AGBL1: variants seen among roughly 807,000 people sequenced by gnomAD.
AGBL1 encodes cytosolic carboxypeptidase 4.
A neutral mutation model predicts 118.9 loss-of-function variants in AGBL1; 130 were observed. The observed-to-expected ratio is 1.09, with a 90% CI of 0.95 to 1.26. AGBL1 has a LOEUF of 1.26. Ranked by LOEUF, AGBL1 falls within the 50% of genes most tolerant of loss-of-function variation. The probability of loss-of-function intolerance (pLI) is 0.00; values close to 1 mark genes in which losing one functional copy is unlikely to be tolerated. For missense variants in AGBL1, 1,584 were observed against 1,298.1 expected (o/e 1.22, Z -3.38); for synonymous variants, 555 against 478.9 (o/e 1.16, Z -2.08).
intron 18 of AGBL1, among the ~76,000 whole-genome samples, chr15:86,480,237 G>A (rs113740159): frequency 6.6e-6 from 1 of 152,038 alleles, no homozygotes; most frequent in African/African-American, 2.4e-5. Flanking sequence ...ATAAAAAAGA[G>A]TAACTATGTG....
At chr15:86,105,475 A>T (rs1264258746) in intron 1 of AGBL1, 1 of 152,228 alleles carries the variant, frequency 6.6e-6, no homozygotes, top group Non-Finnish European at 1.5e-5. Context: ...TGTTCTGAAT[A>T]TCCCTGAGGA....
At chr15:86,797,854 G>C (rs761625241) in intron 22 of AGBL1, among the ~76,000 whole-genome samples, 17 of 152,168 alleles carry the variant, frequency 1.1e-4, no homozygotes, top group Non-Finnish European at 2.1e-4. Context: ...TCAGAAGTTT[G>C]ATATGAGGTA....
chr15:86,103,564 T>C (rs1896858781), intron 1 of AGBL1, among the ~76,000 whole-genome samples: 1 of 152,202 alleles, frequency 6.6e-6, no homozygotes, highest in African/African-American at 2.4e-5. Context: ...ACTTTGGCTT[T>C]GCTTCTGGGT....
At chr15:86,673,218 T>C (rs2085777532) in intron 21 of AGBL1, among the ~76,000 whole-genome samples, 1 of 152,208 alleles carries the variant, frequency 6.6e-6, no homozygotes. Context: ...TTTTGATCAA[T>C]ATTATGACTG....
intron 22 of AGBL1, among the ~76,000 whole-genome samples, chr15:86,812,033 T>A (rs2078797387): frequency 6.6e-6 from 1 of 152,202 alleles, no homozygotes; most frequent in Admixed American, 6.5e-5. Flanking sequence ...AACTTTAAAA[T>A]ACTGTCAGAT....
chr15:86,451,108 C>T (rs1477602488), intron 18 of AGBL1, among the ~76,000 whole-genome samples: 1 of 152,196 alleles, frequency 6.6e-6, no homozygotes, highest in Non-Finnish European at 1.5e-5. Flanking sequence ...TATACAGACT[C>T]ATTACAGAAC....
intron 17 of AGBL1, among the ~76,000 whole-genome samples, chr15:86,380,506 TCTTTC>T (rs1003495308): frequency 6.7e-5 from 10 of 150,256 alleles, no homozygotes; most frequent in Middle Eastern, 7.0e-3. Flanking sequence ...CTTCTTTTCT[TCTTTC>T]CTTTCTTTTC....
At chr15:86,273,152 A>AG (rs1422945474) in intron 15 of AGBL1, among the ~76,000 whole-genome samples, 2 of 68,150 alleles carry the variant, frequency 2.9e-5, no homozygotes. Flanking sequence ...TATAAATTCC[A>AG]GTTGAGGATG....
At position 86,257,947 on chromosome 15, in the gene AGBL1, T is replaced by A. The variant is rs1237773885; in HGVS notation, c.902-17T>A. 2 of 1,611,676 alleles carry A rather than the reference T, an allele frequency of 1.2e-6. No homozygotes were observed. Among genetic ancestry groups the A allele is most frequent in the Admixed American group, 1.7e-5 (1 of 59,466 alleles). Reference sequence around the variant, plus strand: ...AAGGGGAAACTTCACTTATTTCACCTCTTTTTCCCCATCCAGAGGATTTTG... The same window carrying A: ...AAGGGGAAACTTCACTTATTTCACCACTTTTTCCCCATCCAGAGGATTTTG... On this transcript the variant is annotated splice_polypyrimidine_tract_variant and intron_variant, in intron 8 of 22. Transcript: ENST00000614907.
In AGBL1 at chr15:86,369,722, A is replaced by C. The variant is rs187041452; in HGVS notation, c.2375-27644A>C. On this transcript the variant is annotated intron_variant, in intron 17 of 22. Coordinates refer to ENST00000614907, the MANE Select transcript of AGBL1 (RefSeq NM_001386094.1). Reference sequence around the variant, plus strand: ...AGGTTTGCAGATATAAACACCAAACAAGCTTGTGCAGTAATATTAATATTA... The same window carrying C: ...AGGTTTGCAGATATAAACACCAAACCAGCTTGTGCAGTAATATTAATATTA... Among the ~76,000 whole-genome samples the C allele has an allele frequency of 2.6e-3, 403 of 152,312 alleles. 1 individual carries two copies. Among genetic ancestry groups the C allele is most frequent in the Non-Finnish European group, 4.7e-3 (317 of 68,010 alleles).
chr15:86,278,680 C>T (rs1380901244), intron 15 of AGBL1, among the ~76,000 whole-genome samples: 1 of 152,134 alleles, frequency 6.6e-6, no homozygotes, highest in Admixed American at 6.5e-5. Flanking sequence ...AGTAAGCCAA[C>T]GTTCTAAATG....
At chr15:86,285,523 T>C (rs2079428182) in intron 16 of AGBL1, among the ~76,000 whole-genome samples, 1 of 152,192 alleles carries the variant, frequency 6.6e-6, no homozygotes, top group African/African-American at 2.4e-5. Context: ...CATGCCCTCT[T>C]GCCTGCCACC....
chr15:86,118,781 AC>A (rs1897921088), intron 1 of AGBL1, among the ~76,000 whole-genome samples: 2 of 151,978 alleles, frequency 1.3e-5, no homozygotes, highest in Non-Finnish European at 2.9e-5. Context: ...GGGTGGTGGG[AC>A]TAGCAGGCAA....
intron 22 of AGBL1, among the ~76,000 whole-genome samples, chr15:86,720,588 G>A (rs1413824836): frequency 6.6e-6 from 1 of 152,130 alleles, no homozygotes; most frequent in Admixed American, 6.6e-5. Flanking sequence ...CATTGCTCTG[G>A]TCAGGACTAT....
chr15:86,418,088 T>G (rs1230792644), intron 18 of AGBL1, among the ~76,000 whole-genome samples: 1 of 152,216 alleles, frequency 6.6e-6, no homozygotes, highest in Non-Finnish European at 1.5e-5. Context: ...CTTTGGATCT[T>G]GAATCTGCTA....
chr15:86,798,983 A>G (rs1038120346), intron 22 of AGBL1, among the ~76,000 whole-genome samples: 1 of 151,996 alleles, frequency 6.6e-6, no homozygotes, highest in African/African-American at 2.4e-5. Flanking sequence ...AAAATAATAA[A>G]TGTATTTGCC....
At position 86,157,281 on chromosome 15, in the gene AGBL1, C is replaced by T. The variant is rs552334186; in HGVS notation, c.395-1652C>T. Among the ~76,000 whole-genome samples the T allele has an allele frequency of 4.6e-5, 7 of 152,264 alleles. No homozygotes were observed. In the South Asian group the frequency reaches 1.2e-3, roughly 27 times the overall value. ...GGGAAAGGCTGAGTAGATTTGCATA[C>T]ACCCATCTCTAATAAAGGAAAAGAG... On this transcript the variant is annotated intron_variant, in intron 4 of 22. Transcript: ENST00000614907.
In AGBL1 at chr15:86,585,727, T is replaced by G. The variant is rs148148467; in HGVS notation, c.2994+31190T>G. On this transcript the variant is annotated intron_variant, in intron 21 of 22. Coordinates refer to ENST00000614907, the MANE Select transcript of AGBL1 (RefSeq NM_001386094.1). Reference sequence around the variant, plus strand: ...AAACAAAGGGTTAGAGAAAAAATGGTTCAAGGAGTCCAGGAACTGTTTTCT... The same window carrying G: ...AAACAAAGGGTTAGAGAAAAAATGGGTCAAGGAGTCCAGGAACTGTTTTCT... Among the ~76,000 whole-genome samples, 476 of 152,210 alleles carry G rather than the reference T, an allele frequency of 3.1e-3. 3 individuals are homozygous for G. The highest frequency in any genetic ancestry group is 0.011 in the African/African-American group (463 of 41,542).
intron 1 of AGBL1, among the ~76,000 whole-genome samples, chr15:86,133,707 A>G (rs2076848735): frequency 6.6e-6 from 1 of 152,220 alleles, no homozygotes; most frequent in East Asian, 1.9e-4. Flanking sequence ...AATTCATTAT[A>G]TAAGACTCAA....
Sources: gnomAD v4.1 joint callset for allele counts (sites outside exome capture counted in the v4.1 genomes callset) on GRCh38, gnomAD v4.1.1 for gene constraint, MANE v1.5 for transcripts, NCBI Gene and HGNC (gene_info 2026-07-23, HGNC 2026-07-21) for gene names.